The following ENTREP2 variants were observed in gnomAD, a reference collection of about 807,000 sequenced individuals.
The protein encoded by ENTREP2 is protein ENTREP2.
the ENTREP2 span, among the ~76,000 whole-genome samples, chr15:29,509,776 G>A: frequency 7.9e-5 from 12 of 152,106 alleles, no homozygotes; most frequent in Admixed American, 5.9e-4. Context: ...AGATTTTAAC[G>A]TAAGACCTAA....
the ENTREP2 span, chr15:29,118,451 C>G: frequency 6.6e-6 from 1 of 152,250 alleles, no homozygotes; most frequent in African/African-American, 2.4e-5. Context: ...GATCCTGAAC[C>G]TTGGAAGCTG....
the ENTREP2 span, among the ~76,000 whole-genome samples, chr15:29,165,268 G>C: frequency 6.6e-6 from 1 of 151,910 alleles, no homozygotes; most frequent in Non-Finnish European, 1.5e-5. Context: ...CAAGGAACTA[G>C]AGAAACAAGA....
At chr15:29,178,776 TTATC>T in the ENTREP2 span, among the ~76,000 whole-genome samples, 797 of 152,260 alleles carry the variant, frequency 5.2e-3, 7 homozygotes, top group African/African-American at 0.018. Flanking sequence ...AATCTTCTCC[TTATC>T]TAAGACAAGA....
the ENTREP2 span, among the ~76,000 whole-genome samples, chr15:29,551,627 A>C: frequency 3.3e-5 from 5 of 152,148 alleles, no homozygotes; most frequent in Non-Finnish European, 7.3e-5. Flanking sequence ...TTTTCTATTA[A>C]AAAATAAGAC....
the ENTREP2 span, among the ~76,000 whole-genome samples, chr15:29,654,456 T>C: frequency 6.6e-6 from 1 of 152,216 alleles, no homozygotes; most frequent in Non-Finnish European, 1.5e-5. Context: ...AAAGATTTCA[T>C]ATAAAAGCTG....
the ENTREP2 span, among the ~76,000 whole-genome samples, chr15:29,515,709 G>C: frequency 6.6e-6 from 1 of 152,174 alleles, no homozygotes; most frequent in African/African-American, 2.4e-5. Flanking sequence ...GCTTTAAGCT[G>C]TTAAATGTGT....
At chr15:29,245,881 T>G in the ENTREP2 span, among the ~76,000 whole-genome samples, 3 of 152,200 alleles carry the variant, frequency 2.0e-5, no homozygotes, top group Admixed American at 1.3e-4. Flanking sequence ...CTGGCAAAGG[T>G]GTGAAGGGGT....
chr15:29,537,173 G>A, the ENTREP2 span, among the ~76,000 whole-genome samples: 7 of 152,134 alleles, frequency 4.6e-5, no homozygotes, highest in East Asian at 3.9e-4. Flanking sequence ...CAGTAATTGC[G>A]ATTGAAGGCA....
At chr15:29,239,783 C>T in the ENTREP2 span, among the ~76,000 whole-genome samples, 6 of 152,146 alleles carry the variant, frequency 3.9e-5, no homozygotes, top group Admixed American at 1.3e-4. Context: ...ACATGCTTGA[C>T]GTGGCCAGCA....
chr15:29,450,643 T>C, the ENTREP2 span, among the ~76,000 whole-genome samples: 1 of 152,224 alleles, frequency 6.6e-6, no homozygotes, highest in Non-Finnish European at 1.5e-5. Flanking sequence ...TAAATCATTC[T>C]ATCATAAAGA....
At chr15:29,459,053 A>G in the ENTREP2 span, among the ~76,000 whole-genome samples, 1 of 152,194 alleles carries the variant, frequency 6.6e-6, no homozygotes, top group African/African-American at 2.4e-5. Context: ...GCTGCCACAC[A>G]GGGTTGACAA....
chr15:29,304,428 T>C, the ENTREP2 span, among the ~76,000 whole-genome samples: 5 of 152,074 alleles, frequency 3.3e-5, no homozygotes, highest in African/African-American at 1.2e-4. Flanking sequence ...AAAACTGAAA[T>C]CATAGCCACC....
At chr15:29,353,485 G>A in the ENTREP2 span, among the ~76,000 whole-genome samples, 2 of 152,150 alleles carry the variant, frequency 1.3e-5, no homozygotes, top group East Asian at 3.8e-4. Flanking sequence ...ACACATAAGC[G>A]TATGAATCTA....
At chr15:29,485,541 C>T in the ENTREP2 span, among the ~76,000 whole-genome samples, 1 of 152,210 alleles carries the variant, frequency 6.6e-6, no homozygotes, top group Non-Finnish European at 1.5e-5. Flanking sequence ...ACCTGCAGTC[C>T]CTGGGACAGA....
chr15:29,416,535 A>G, the ENTREP2 span, among the ~76,000 whole-genome samples: 4 of 152,226 alleles, frequency 2.6e-5, no homozygotes, highest in African/African-American at 9.6e-5. Flanking sequence ...ACCTAAAACC[A>G]TAAAAACCCT....
chr15:29,401,635 T>C, the ENTREP2 span, among the ~76,000 whole-genome samples: 1 of 152,190 alleles, frequency 6.6e-6, no homozygotes, highest in African/African-American at 2.4e-5. Flanking sequence ...ATACCCATAC[T>C]CAATGGTTTC....
At chr15:29,499,542 A>ATT in the ENTREP2 span, among the ~76,000 whole-genome samples, 979 of 141,646 alleles carry the variant, frequency 6.9e-3, 19 homozygotes, top group East Asian at 0.064. Context: ...CACTAGGCTA[A>ATT]TTTTTTTTTT....
the ENTREP2 span, among the ~76,000 whole-genome samples, chr15:29,452,036 A>G: frequency 3.3e-5 from 5 of 152,202 alleles, no homozygotes; most frequent in Admixed American, 1.3e-4. Context: ...GCCTTTTTAT[A>G]TTGTTAACTT....
chr15:29,377,708 C>T, the ENTREP2 span, among the ~76,000 whole-genome samples: 7 of 151,768 alleles, frequency 4.6e-5, no homozygotes, highest in Non-Finnish European at 7.4e-5. Flanking sequence ...TTAATCCCAG[C>T]TACTCAGGCA....
Sources: gnomAD v4.1 joint callset for allele counts (sites outside exome capture counted in the v4.1 genomes callset) on GRCh38, gnomAD v4.1.1 for gene constraint, MANE v1.5 for transcripts, NCBI Gene and HGNC (gene_info 2026-07-23, HGNC 2026-07-21) for gene names.